The following FSD1L variants were observed in gnomAD, a reference collection of about 807,000 sequenced individuals.
The protein encoded by FSD1L is fibronectin type III and SPRY domain containing 1 like.
In FSD1L, 45 loss-of-function variants were observed where a neutral mutation model predicts 71.6. The observed-to-expected ratio is 0.63, with a 90% CI of 0.49 to 0.81. The LOEUF is 0.81. Ranked by LOEUF, FSD1L falls within the 30% of genes least tolerant of loss-of-function variation. The probability of loss-of-function intolerance (pLI) is 0.00; values close to 1 mark genes in which losing one functional copy is unlikely to be tolerated. For synonymous variants in FSD1L, 197 were observed against 207.2 expected (o/e 0.95, Z 0.42); for missense variants, 561 against 618.1 (o/e 0.91, Z 0.98).
At chr9:105,534,727 A>G in intron 11 of FSD1L, 134 bp downstream of exon 11, 2 of 616,212 alleles carry the variant, frequency 3.2e-6, no homozygotes, top group Non-Finnish European at 5.6e-6. Context: ...ATTGAAGCCT[A>G]ATTACTTTGG....
intron 2 of FSD1L, among the ~76,000 whole-genome samples, chr9:105,462,298 C>T (rs1830754963): frequency 6.7e-6 from 1 of 150,150 alleles, no homozygotes; most frequent in South Asian, 2.1e-4. Context: ...TCACTGCAAC[C>T]TCCACCTCCC....
At chr9:105,515,737 A>C (rs1321938168) in intron 10 of FSD1L, among the ~76,000 whole-genome samples, 1 of 151,526 alleles carries the variant, frequency 6.6e-6, no homozygotes, top group Non-Finnish European at 1.5e-5. Context: ...CCTGGGTTTC[A>C]GGCACAAAAC....
rs575250285 is a variant in FSD1L at position 105,448,107 on chromosome 9, C to A, written c.-114C>A. ...GCGGACGGGTGGGGCCGGGCGGTGC[C>A]GGTGCGGGCTGGGGCAGTGCAGTGA... is the stretch of plus-strand genomic sequence containing the variant. On this transcript the variant is annotated 5_prime_UTR_variant, in exon 1 of 14. Coordinates refer to ENST00000481272, the MANE Select transcript of FSD1L (RefSeq NM_001145313.3). 1.3e-5 allele frequency: 15 copies of A among 1,182,854 alleles called. No homozygotes were observed. The highest frequency in any genetic ancestry group is 4.0e-5 in the South Asian group (3 of 75,924). The allele number at this position is 1,182,854 out of a possible 1,614,324, so 73.3% of individuals were successfully genotyped here.
At chr9:105,501,699 G>A (rs1833774516) in intron 7 of FSD1L, among the ~76,000 whole-genome samples, 1 of 151,260 alleles carries the variant, frequency 6.6e-6, no homozygotes, top group Non-Finnish European at 1.5e-5. Context: ...CTCCCAAAGT[G>A]CTGGGATTAT....
chr9:105,521,510 T>C (rs1564136698), intron 10 of FSD1L: 1 of 1,613,950 alleles, frequency 6.2e-7, no homozygotes, highest in Non-Finnish European at 8.5e-7. Flanking sequence ...GTCAGGCATT[T>C]TTATTACCAA....
chr9:105,534,952 T>C (rs917872724), intron 11 of FSD1L, 115 bp from the exon 12 acceptor site: 24 of 936,466 alleles, frequency 2.6e-5, no homozygotes, highest in African/African-American at 3.3e-5. Flanking sequence ...ATTATTCTTA[T>C]AGGAAAAGTA....
At chr9:105,501,769 G>C (rs971854145) in intron 7 of FSD1L, among the ~76,000 whole-genome samples, 6 of 151,832 alleles carry the variant, frequency 4.0e-5, no homozygotes, top group Admixed American at 3.9e-4. Flanking sequence ...TCTTCTTATT[G>C]GTCATACTTA....
chr9:105,481,173 G>GTGTGTGTGTGGGTGGT (rs1832158347), intron 6 of FSD1L, among the ~76,000 whole-genome samples: 1 of 131,814 alleles, frequency 7.6e-6, no homozygotes, highest in Non-Finnish European at 1.6e-5. Context: ...GTGTGTGTGT[G>GTGTGTGTGTGGGTGGT]TGTGTGGTTC....
chr9:105,491,710 G>A (rs528977477), intron 7 of FSD1L, among the ~76,000 whole-genome samples: 7 of 152,052 alleles, frequency 4.6e-5, no homozygotes, highest in East Asian at 1.9e-4. Flanking sequence ...TAGCATGAAG[G>A]GTTGTTGAAT....
intron 10 of FSD1L, chr9:105,530,361 A>G: frequency 2.2e-6 from 1 of 458,648 alleles, no homozygotes; most frequent in Non-Finnish European, 3.8e-6. Flanking sequence ...GTTTCTTGCA[A>G]AAGTGACTTA....
chr9:105,456,033 A>T (rs1323749093), intron 1 of FSD1L, among the ~76,000 whole-genome samples: 1 of 152,212 alleles, frequency 6.6e-6, no homozygotes, highest in Admixed American at 6.5e-5. Context: ...GACCACATGG[A>T]TGCTGATGCC....
At chr9:105,453,044 G>GTTTT (rs774826229) in intron 1 of FSD1L, among the ~76,000 whole-genome samples, 1,140 of 88,272 alleles carry the variant, frequency 0.013, 5 homozygotes, top group African/African-American at 0.018. Flanking sequence ...ACCTAAAGTT[G>GTTTT]TTTTTTTTTT....
At chr9:105,484,719 T>TA (rs1238682439) in intron 7 of FSD1L, among the ~76,000 whole-genome samples, 2 of 152,128 alleles carry the variant, frequency 1.3e-5, no homozygotes, top group South Asian at 2.1e-4. Context: ...AGGGATCTCT[T>TA]ATTGTTAGCT....
In FSD1L at chr9:105,522,827, A is replaced by G; in HGVS notation, c.1025+9891A>G. 3.1e-6 allele frequency: 5 copies of G among 1,612,954 alleles called. No homozygotes were observed. The South Asian group carries it at 4.4e-5, about 14-fold the overall frequency. On this transcript the variant is annotated intron_variant, in intron 10 of 13. Coordinates refer to ENST00000481272, the MANE Select transcript of FSD1L (RefSeq NM_001145313.3). ...GTAATGCCTCGACTATGACAAGAAG[A>G]GGAAGTAGTCCAGGCAGCCTGGAAA...
intron 1 of FSD1L, among the ~76,000 whole-genome samples, chr9:105,449,008 A>G (rs1393958810): frequency 6.6e-6 from 1 of 152,264 alleles, no homozygotes; most frequent in Non-Finnish European, 1.5e-5. Flanking sequence ...CATAATCTCC[A>G]TATGAAAATA....
intron 13 of FSD1L, among the ~76,000 whole-genome samples, chr9:105,540,884 C>A (rs1002323163): frequency 2.6e-5 from 4 of 152,120 alleles, no homozygotes; most frequent in Non-Finnish European, 4.4e-5. Context: ...TCATAACCTT[C>A]TGCATCTTTT....
At chr9:105,512,567 G>A (rs1834456702) in intron 9 of FSD1L, among the ~76,000 whole-genome samples, 1 of 152,062 alleles carries the variant, frequency 6.6e-6, no homozygotes, top group Admixed American at 6.6e-5. Context: ...GACCATGCAA[G>A]TACATTGTAT....
chr9:105,447,556 A>C (rs1829697273), upstream of FSD1L, among the ~76,000 whole-genome samples: 1 of 152,056 alleles, frequency 6.6e-6, no homozygotes, highest in African/African-American at 2.4e-5. Context: ...CAAAGCTCAT[A>C]TTAATCCCAC....
intron 2 of FSD1L, among the ~76,000 whole-genome samples, chr9:105,463,833 T>A (rs78718366): frequency 0.042 from 6,346 of 152,306 alleles, 196 homozygotes; most frequent in Non-Finnish European, 0.071. Context: ...AAATAAAATG[T>A]TGATGAATTT....
Sources: gnomAD v4.1 joint callset for allele counts (sites outside exome capture counted in the v4.1 genomes callset) on GRCh38, gnomAD v4.1.1 for gene constraint, MANE v1.5 for transcripts, NCBI Gene and HGNC (gene_info 2026-07-23, HGNC 2026-07-21) for gene names.